NLN: variants seen among roughly 807,000 people sequenced by gnomAD.
NLN encodes neurolysin, also known as neurolysin, mitochondrial.
In NLN, 64 loss-of-function variants were observed where a neutral mutation model predicts 79.9. That is an observed-to-expected ratio of 0.80 (90% CI 0.65 to 0.99). The LOEUF (loss-of-function observed/expected upper bound fraction) is 0.99, where lower values mean the gene tolerates loss of function less well. Ranked by LOEUF, NLN falls within the 50% of genes least tolerant of loss-of-function variation. NLN has a pLI of 0.00. For missense variants in NLN, 835 were observed against 858.7 expected, an observed-to-expected ratio of 0.97 and a Z score of 0.34; for synonymous variants, 267 against 296.6, an observed-to-expected ratio of 0.90 and a Z score of 1.02.
intron 1 of NLN, among the ~76,000 whole-genome samples, chr5:65,734,816 A>G (rs1179102209): frequency 6.6e-6 from 1 of 152,218 alleles, no homozygotes; most frequent in Non-Finnish European, 1.5e-5. Context: ...AGATCTAACT[A>G]TTCTAACACT....
At chr5:65,767,010 T>C (rs1759466216) in intron 3 of NLN, among the ~76,000 whole-genome samples, 1 of 152,234 alleles carries the variant, frequency 6.6e-6, no homozygotes, top group Non-Finnish European at 1.5e-5. Flanking sequence ...ACAACCCCTG[T>C]AGCTGCTTTC....
intron 6 of NLN, among the ~76,000 whole-genome samples, chr5:65,781,696 G>T (rs1364175921): frequency 2.0e-5 from 3 of 152,156 alleles, no homozygotes; most frequent in Admixed American, 6.5e-5. Context: ...TCCAGCACTG[G>T]TAAGTCCTGC....
intron 10 of NLN, 87 bp from the exon 11 acceptor site, chr5:65,809,950 T>A (rs1234007239): frequency 1.4e-6 from 2 of 1,437,286 alleles, no homozygotes; most frequent in Non-Finnish European, 1.9e-6. Flanking sequence ...ACTACTGGAA[T>A]CTGTTTTTGG....
chr5:65,808,093 C>T (rs1001130354), intron 9 of NLN, among the ~76,000 whole-genome samples: 2 of 152,186 alleles, frequency 1.3e-5, no homozygotes, highest in Non-Finnish European at 2.9e-5. Flanking sequence ...GGGATGTCCT[C>T]AATAGAGGTG....
At chr5:65,822,717 C>T in intron 12 of NLN, 64 bp from the exon 13 acceptor site, 1 of 1,243,042 alleles carries the variant, frequency 8.0e-7, no homozygotes, top group Non-Finnish European at 1.2e-6. Flanking sequence ...TCCTCTTTTG[C>T]ATCTAGAGAT....
chr5:65,772,450 C>G (rs1561195271), intron 3 of NLN, among the ~76,000 whole-genome samples: 1 of 152,092 alleles, frequency 6.6e-6, no homozygotes, highest in Admixed American at 6.5e-5. Context: ...GTGAATCTTG[C>G]GATGGCATAT....
At chr5:65,730,623 C>T (rs1446590844) in intron 1 of NLN, among the ~76,000 whole-genome samples, 1 of 151,130 alleles carries the variant, frequency 6.6e-6, no homozygotes, top group Non-Finnish European at 1.5e-5. Flanking sequence ...ATGGCGCAAT[C>T]TCAGCTCACT....
At chr5:65,822,271 G>A (rs1760819781) in intron 12 of NLN, among the ~76,000 whole-genome samples, 1 of 152,228 alleles carries the variant, frequency 6.6e-6, no homozygotes, top group Non-Finnish European at 1.5e-5. Context: ...CCCCTGCGGG[G>A]CACGTACAGC....
chr5:65,741,094 A>G (rs933539755), intron 1 of NLN: 1 of 151,980 alleles, frequency 6.6e-6, no homozygotes, highest in African/African-American at 2.4e-5. Context: ...TTGGTCTCAA[A>G]CTCCTGACCT....
chr5:65,809,833 A>G, intron 10 of NLN, 132 bp downstream of exon 10: 13 of 952,392 alleles, frequency 1.4e-5, no homozygotes, highest in Non-Finnish European at 2.0e-5. Context: ...AGTGAAGAAC[A>G]TTAAATATAT....
intron 4 of NLN, among the ~76,000 whole-genome samples, chr5:65,779,861 G>A (rs916000840): frequency 3.3e-5 from 5 of 152,110 alleles, no homozygotes; most frequent in African/African-American, 1.2e-4. Flanking sequence ...GGGCACAGAA[G>A]TCAATCTTCA....
At chr5:65,752,297 G>A (rs912718049) in intron 1 of NLN, among the ~76,000 whole-genome samples, 10 of 152,040 alleles carry the variant, frequency 6.6e-5, no homozygotes, top group East Asian at 5.8e-4. Context: ...CAGAGGAGAC[G>A]ATGAAGAAGG....
rs1416474121 is a variant in NLN, at chr5:65,758,628, C to T, written c.103C>T (p.Gln35Ter). The change falls in exon 2 of 13, where the codon CAG becomes TAG. Residue 35 changes from glutamine to a stop codon, truncating the protein, a stop_gained. Coordinates refer to ENST00000380985, the MANE Select transcript of NLN (RefSeq NM_020726.5). LOFTEE classifies it high-confidence loss of function. Reference protein sequence around the residue: ...TLGREVMSPLQAMSSYTVAGR... With the variant: ...TLGREVMSPL ...AGGAAGAGAAGTGATGTCTCCTCTT[C>T]AGGCAATGTCTTCCTATACTGTGGC... 6 of 1,610,978 alleles carry T rather than the reference C, an allele frequency of 3.7e-6. No homozygotes were observed. The highest frequency in any genetic ancestry group is 5.1e-6 in the Non-Finnish European group (6 of 1,177,394).
intron 1 of NLN, among the ~76,000 whole-genome samples, chr5:65,728,145 G>A (rs574162369): frequency 1.8e-4 from 28 of 152,174 alleles, no homozygotes; most frequent in African/African-American, 6.7e-4. Context: ...GTAATGACAA[G>A]CAAAAGAAAA....
chr5:65,780,229 C>T lies in NLN; in HGVS notation c.609C>T (p.Asn203=). The T allele has an allele frequency of 6.7e-7, 1 of 1,497,532 alleles. No individual in the cohort carries two copies. Among genetic ancestry groups the T allele is most frequent in the Non-Finnish European group, 9.2e-7 (1 of 1,083,598 alleles). 92.8% of individuals were successfully genotyped at this position (1,497,532 alleles called of 1,614,324 possible). A position where few individuals can be genotyped will look rare whatever the true frequency, so the allele number is the denominator to read the frequency against. The change falls in exon 5 of 13, where the codon AAC becomes AAT. Residue 203 remains asparagine, a synonymous_variant. Coordinates refer to ENST00000380985, the MANE Select transcript of NLN (RefSeq NM_020726.5). ...KRMSELCIDF[N]KNLNEDDTFL... is the part of the protein sequence containing the mutation. ...TGAGTGAGCTATGTATTGATTTTAA[C>T]AAAAACCTCAATGAGGATGATACCT...
chr5:65,788,836 G>C, intron 8 of NLN, among the ~76,000 whole-genome samples: 1 of 152,132 alleles, frequency 6.6e-6, no homozygotes, highest in East Asian at 1.9e-4. Context: ...GCCAGGTGTA[G>C]TGGTACATGC....
At position 65,792,607 on chromosome 5, in the gene NLN, G is replaced by A; in HGVS notation, c.1479G>A (p.Arg493=). The change falls in exon 9 of 13, where the codon AGG becomes AGA. Residue 493 remains arginine (R), a synonymous_variant. Coordinates refer to ENST00000380985, the MANE Select transcript of NLN (RefSeq NM_020726.5). ...RPSLLRHDEV[R]TYFHEFGHVM... ...CTCTCCTGAGACACGACGAGGTGAGGACTTACTTTCATGAGTTTGGTCACG... is the reference window on the plus strand; with the variant it reads ...CTCTCCTGAGACACGACGAGGTGAGAACTTACTTTCATGAGTTTGGTCACG... 6.2e-7 allele frequency: 1 copy of A among 1,614,120 alleles called. No homozygotes were observed. Among genetic ancestry groups the A allele is most frequent in the Non-Finnish European group, 8.5e-7 (1 of 1,180,010 alleles).
rs1760972520 is a variant in NLN at position 65,829,088 on chromosome 5, C to T, written c.*6173C>T. On this transcript the variant is annotated 3_prime_UTR_variant, in exon 13 of 13. Coordinates refer to ENST00000380985, the MANE Select transcript of NLN (RefSeq NM_020726.5). ...TACAGAATTTACAGTTACTCTCTGT[C>T]CATTCCACTCACTACTGTCTTCATC... is the stretch of plus-strand genomic sequence containing the variant. The T allele has an allele frequency of 6.6e-6, 1 of 152,146 alleles. No individual in the cohort carries two copies. 9.4% of individuals were successfully genotyped at this position (152,146 alleles called of 1,614,324 possible). A position where few individuals can be genotyped will look rare whatever the true frequency, so the allele number is the denominator to read the frequency against.
intron 1 of NLN, among the ~76,000 whole-genome samples, chr5:65,724,034 A>G (rs1758394643): frequency 6.6e-6 from 1 of 152,038 alleles, no homozygotes; most frequent in African/African-American, 2.4e-5. Context: ...TTAATGAAAA[A>G]TAACTATTTT....
Sources: allele counts gnomAD v4.1 joint callset (sites outside exome capture counted in the v4.1 genomes callset), GRCh38; gene constraint gnomAD v4.1.1; transcripts MANE v1.5; gene names NCBI Gene and HGNC (gene_info 2026-07-23, HGNC 2026-07-21).